Variants in TMTC2 observed in about 807,000 individuals in gnomAD.
TMTC2 encodes the protein transmembrane O-mannosyltransferase targeting cadherins 2, also known as protein O-mannosyl-transferase TMTC2.
TMTC2 carries 43 observed loss-of-function variants against 82.4 expected under a neutral mutation model. The ratio of observed to expected loss-of-function variants is 0.52; its 90% CI spans 0.41 to 0.67. The LOEUF (loss-of-function observed/expected upper bound fraction) is 0.67, where lower values mean the gene tolerates loss of function less well. Ranked by LOEUF, TMTC2 falls within the 30% of genes least tolerant of loss-of-function variation. TMTC2 has a pLI of 0.00. For synonymous variants in TMTC2, 408 were observed against 381.9 expected, an observed-to-expected ratio of 1.07 and a Z score of -0.80; for missense variants, 919 against 1,012.4, an observed-to-expected ratio of 0.91 and a Z score of 1.25.
At chr12:83,067,472 T>C (rs1459403487) in intron 11 of TMTC2, among the ~76,000 whole-genome samples, 1 of 151,792 alleles carries the variant, frequency 6.6e-6, no homozygotes, top group Non-Finnish European at 1.5e-5. Context: ...ATATCAGAGA[T>C]ATTTAAGGGT....
intron 11 of TMTC2, among the ~76,000 whole-genome samples, chr12:83,093,261 C>G (rs1883903155): frequency 6.6e-6 from 1 of 152,058 alleles, no homozygotes; most frequent in African/African-American, 2.4e-5. Context: ...TTCTTGTCAC[C>G]AAGTCTATAA....
At chr12:83,017,251 T>A (rs1025168150) in intron 8 of TMTC2, among the ~76,000 whole-genome samples, 1 of 152,182 alleles carries the variant, frequency 6.6e-6, no homozygotes, top group Non-Finnish European at 1.5e-5. Flanking sequence ...AAGCCATCAT[T>A]TGACTCATCT....
At chr12:82,865,787 A>G (rs887541241) in intron 2 of TMTC2, among the ~76,000 whole-genome samples, 1 of 152,204 alleles carries the variant, frequency 6.6e-6, no homozygotes, top group Non-Finnish European at 1.5e-5. Flanking sequence ...CAAATGTAAA[A>G]GAACAGAAAT....
intron 11 of TMTC2, among the ~76,000 whole-genome samples, chr12:83,090,776 A>G (rs962775770): frequency 2.0e-5 from 3 of 152,132 alleles, no homozygotes; most frequent in African/African-American, 7.2e-5. Context: ...TTCTAGCTAC[A>G]TCACTCTCCT....
chr12:82,858,560 G>A (rs535567773), intron 2 of TMTC2, among the ~76,000 whole-genome samples: 1 of 152,116 alleles, frequency 6.6e-6, no homozygotes, highest in South Asian at 2.1e-4. Context: ...TTTCACCATC[G>A]ATTTCTAATT....
intron 1 of TMTC2, among the ~76,000 whole-genome samples, chr12:82,780,266 A>G (rs1877828108): frequency 1.3e-5 from 2 of 152,200 alleles, no homozygotes; most frequent in African/African-American, 2.4e-5. Context: ...TCCTTATGAA[A>G]TGAGGTTAAC....
chr12:83,061,673 ATT>A lies in TMTC2; in HGVS notation c.2268-89_2268-88del, dbSNP rs980038513. The A allele has an allele frequency of 2.6e-6, 3 of 1,150,112 alleles. No individual in the cohort carries two copies. The African/African-American group carries it at 4.9e-5, about 19-fold the overall frequency. The allele number at this position is 1,150,112 out of a possible 1,614,324, so 71.2% of individuals were successfully genotyped here. On this transcript the variant is annotated intron_variant, in intron 10 of 11. Transcript: ENST00000321196. ...CAATTTATTGTTTGGTGTGACCAGA[ATT>A]TTTTTAAAAATTAACATTATTTTAC...
intron 1 of TMTC2, among the ~76,000 whole-genome samples, chr12:82,818,678 T>C (rs1310680251): frequency 1.3e-5 from 2 of 152,192 alleles, no homozygotes; most frequent in Non-Finnish European, 2.9e-5. Context: ...GCTTAATGAA[T>C]ACTCAACTAT....
intron 1 of TMTC2, among the ~76,000 whole-genome samples, chr12:82,715,232 G>A (rs79235844): frequency 0.048 from 7,111 of 149,698 alleles, 320 homozygotes; most frequent in East Asian, 0.12. Flanking sequence ...ACGAGATCAC[G>A]CCACTGCACT....
chr12:82,810,719 C>T (rs545485432), intron 1 of TMTC2, among the ~76,000 whole-genome samples: 84 of 152,170 alleles, frequency 5.5e-4, no homozygotes, highest in African/African-American at 2.0e-3. Context: ...AGGGAGAGAC[C>T]AGATGGAGGT....
chr12:82,964,969 G>T, intron 4 of TMTC2, 55 bp from the exon 5 acceptor site: 5 of 1,207,472 alleles, frequency 4.1e-6, no homozygotes, highest in Non-Finnish European at 4.7e-6. Context: ...AAAAATTTGT[G>T]GTTTTATATA....
At chr12:82,740,826 C>T (rs1875363609) in intron 1 of TMTC2, among the ~76,000 whole-genome samples, 1 of 152,202 alleles carries the variant, frequency 6.6e-6, no homozygotes, top group Non-Finnish European at 1.5e-5. Flanking sequence ...CTTTGACCTG[C>T]TCTCAGAAGG....
intron 1 of TMTC2, among the ~76,000 whole-genome samples, chr12:82,725,079 T>C (rs1874385634): frequency 6.6e-6 from 1 of 152,116 alleles, no homozygotes; most frequent in Non-Finnish European, 1.5e-5. Flanking sequence ...AAATTATAAA[T>C]TTGATTTTGA....
Position 82,936,788 on chromosome 12 carries a change from C to T in TMTC2, c.1598+6243C>T, listed in dbSNP as rs1876341525. On this transcript the variant is annotated intron_variant, in intron 4 of 11. Transcript: ENST00000321196. ...GTAATTACTACATTTAATGTTGAAG[C>T]ATAGTGGTCATTTCCATTAATATTC... is the stretch of plus-strand genomic sequence containing the variant. Among the ~76,000 whole-genome samples, 4 of 152,206 alleles carry T rather than the reference C, an allele frequency of 2.6e-5. No individual in the cohort carries two copies. The South Asian group carries it at 8.3e-4, about 32-fold the overall frequency.
chr12:82,810,410 T>A (rs1039398400), intron 1 of TMTC2, among the ~76,000 whole-genome samples: 1 of 149,886 alleles, frequency 6.7e-6, no homozygotes, highest in African/African-American at 2.4e-5. Flanking sequence ...ATTTTTATTT[T>A]TTTTATTATT....
At chr12:82,957,767 T>G (rs1877693156) in intron 4 of TMTC2, among the ~76,000 whole-genome samples, 1 of 152,028 alleles carries the variant, frequency 6.6e-6, no homozygotes, top group Admixed American at 6.6e-5. Context: ...AGGAAATGGA[T>G]AAATTCCTGG....
chr12:82,776,866 A>G (rs974014605), intron 1 of TMTC2, among the ~76,000 whole-genome samples: 69 of 152,254 alleles, frequency 4.5e-4, no homozygotes, highest in African/African-American at 1.6e-3. Flanking sequence ...TAAGCCCAGG[A>G]GTTTGAGTCT....
intron 1 of TMTC2, among the ~76,000 whole-genome samples, chr12:82,848,790 A>T (rs2137102635): frequency 6.6e-6 from 1 of 152,238 alleles, no homozygotes; most frequent in East Asian, 1.9e-4. Flanking sequence ...AGTGTTGTTA[A>T]TGGGAATGTG....
chr12:83,023,726 A>G (rs1881040001), intron 8 of TMTC2, among the ~76,000 whole-genome samples: 1 of 152,200 alleles, frequency 6.6e-6, no homozygotes, highest in African/African-American at 2.4e-5. Flanking sequence ...CTCTTCGCCT[A>G]TTCTGGATGT....
Sources: gnomAD v4.1 joint callset for allele counts (sites outside exome capture counted in the v4.1 genomes callset) on GRCh38, gnomAD v4.1.1 for gene constraint, MANE v1.5 for transcripts, NCBI Gene and HGNC (gene_info 2026-07-23, HGNC 2026-07-21) for gene names.